The following ZNF385D variants were observed in gnomAD, a reference collection of about 807,000 sequenced individuals.
ZNF385D encodes the protein zinc finger protein 659.
In ZNF385D, 15 loss-of-function variants were observed where a neutral mutation model predicts 35.8. That is an observed-to-expected ratio of 0.42 (90% CI 0.28 to 0.64). The LOEUF is 0.64. Among genes scored for constraint, ZNF385D ranks in the 30% least tolerant of loss-of-function variants. The pLI is 0.23. For missense variants in ZNF385D, 474 were observed against 494.6 expected, an observed-to-expected ratio of 0.96 and a Z score of 0.39; for synonymous variants, 212 against 186.8, an observed-to-expected ratio of 1.13 and a Z score of -1.10.
chr3:21,721,079 T>C (rs2068521084), intron 1 of ZNF385D, among the ~76,000 whole-genome samples: 1 of 152,220 alleles, frequency 6.6e-6, no homozygotes, highest in Non-Finnish European at 1.5e-5. Flanking sequence ...TTTTTTCTTT[T>C]TTCTAGTGGA....
In ZNF385D at chr3:21,453,946, G is replaced by A. The variant is rs532431834; in HGVS notation, c.440-16743C>T. On this transcript the variant is annotated intron_variant, in intron 4 of 7. Coordinates refer to ENST00000281523, the MANE Select transcript of ZNF385D (RefSeq NM_024697.3). Reference sequence around the variant, plus strand: ...CAGTATTCATAATTGTCAAAAGGTAGTAACAACCCAAATGGAAGAGTGGAT... The same window carrying A: ...CAGTATTCATAATTGTCAAAAGGTAATAACAACCCAAATGGAAGAGTGGAT... 2.2e-3 allele frequency among the ~76,000 whole-genome samples: 337 copies of A among 152,116 alleles called. 3 individuals are homozygous for A. Among genetic ancestry groups the A allele is most frequent in the Non-Finnish European group, 2.3e-3 (156 of 67,942 alleles).
At chr3:22,372,537 G>A in exon 2 of ZNF385D, 2 of 985,864 alleles carry the variant, frequency 2.0e-6, no homozygotes, top group Non-Finnish European at 2.4e-6. Flanking sequence ...GCGGCCGCCC[G>A]GCGCCCTGGC....
chr3:21,633,342 G>A lies in ZNF385D; in HGVS notation c.165+31544C>T, dbSNP rs564698111. 6.6e-5 allele frequency among the ~76,000 whole-genome samples: 10 copies of A among 152,044 alleles called. 1 individual carries two copies. The South Asian group carries it at 1.9e-3, about 28-fold the overall frequency. On this transcript the variant is annotated intron_variant, in intron 2 of 7. Coordinates refer to ENST00000281523, the MANE Select transcript of ZNF385D (RefSeq NM_024697.3). The stretch of plus-strand genomic sequence containing the variant: ...CAAAATGATGAAACTTTAAATTGGA[G>A]TATGTAAAAAATATGGAAAAACAAA...
At chr3:22,150,381 T>C (rs17648429) in intron 3 of ZNF385D, among the ~76,000 whole-genome samples, 7,123 of 152,128 alleles carry the variant, frequency 0.047, 215 homozygotes, top group Middle Eastern at 0.13. Context: ...GAGAAAGAGC[T>C]GTATTCATAC....
At position 21,471,291 on chromosome 3, in the gene ZNF385D, TCTCTCACA is replaced by T. The variant is rs1421432952; in HGVS notation, c.440-34096_440-34089del. Among the ~76,000 whole-genome samples, 209 of 22,370 alleles carry T rather than the reference TCTCTCACA, an allele frequency of 9.3e-3. 1 individual carries two copies. Among genetic ancestry groups the T allele is most frequent in the African/African-American group, 0.024 (197 of 8,148 alleles). 14.7% of individuals were successfully genotyped at this position (22,370 alleles called of 152,430 possible). A position where few individuals can be genotyped will look rare whatever the true frequency, so the allele number is the denominator to read the frequency against. ...CTCTCTCTTTCTCTCTCTCTCTCTC[TCTCTCACA>T]CACACACACACACACACACACACAC... is the stretch of plus-strand genomic sequence containing the variant. On this transcript the variant is annotated intron_variant, in intron 4 of 7. Transcript: ENST00000281523.
Position 21,425,499 on chromosome 3 carries a change from A to AGTTGC in ZNF385D, c.840_844dup (p.Leu282ArgfsTer40). 1 of 1,597,798 alleles carries AGTTGC rather than the reference A, an allele frequency of 6.3e-7. No individual in the cohort carries two copies. Among genetic ancestry groups the AGTTGC allele is most frequent in the Non-Finnish European group, 8.5e-7 (1 of 1,170,934 alleles). ...AGAATACGTGCTGTTTACCTGTTTA[A>AGTTGC]GTTGCGTTTCCGAGTTGACGTGCAC... is the stretch of plus-strand genomic sequence containing the variant. On this transcript the variant is annotated frameshift_variant, in exon 6 of 8. Transcript: ENST00000281523. LOFTEE classifies it high-confidence loss of function.
chr3:21,817,683 T>A (rs1294127514), intron 3 of ZNF385D, among the ~76,000 whole-genome samples: 1 of 152,172 alleles, frequency 6.6e-6, no homozygotes, highest in Non-Finnish European at 1.5e-5. Context: ...CAACAGGTGC[T>A]GGAGAGGATG....
intron 2 of ZNF385D, among the ~76,000 whole-genome samples, chr3:22,318,801 A>G (rs1704041232): frequency 6.6e-6 from 1 of 152,210 alleles, no homozygotes; most frequent in African/African-American, 2.4e-5. Flanking sequence ...ACAAAAATGT[A>G]CTGTGAAAAA....
chr3:21,966,873 C>A (rs1029461530), intron 3 of ZNF385D, among the ~76,000 whole-genome samples: 1 of 152,138 alleles, frequency 6.6e-6, no homozygotes, highest in Non-Finnish European at 1.5e-5. Flanking sequence ...TATAGCGCTG[C>A]GATTATGGGC....
intron 4 of ZNF385D, among the ~76,000 whole-genome samples, chr3:21,491,354 G>C (rs1705410925): frequency 6.6e-6 from 1 of 151,998 alleles, no homozygotes; most frequent in Non-Finnish European, 1.5e-5. Flanking sequence ...TCAACAGCTT[G>C]ACATAAGTCA....
intron 3 of ZNF385D, among the ~76,000 whole-genome samples, chr3:22,024,177 T>G (rs764542029): frequency 1.3e-5 from 2 of 152,136 alleles, no homozygotes; most frequent in Non-Finnish European, 2.9e-5. Context: ...TCTGGATGCT[T>G]CCTGCCCTAG....
chr3:22,305,721 A>T (rs1185081429), intron 2 of ZNF385D, among the ~76,000 whole-genome samples: 2 of 152,162 alleles, frequency 1.3e-5, no homozygotes, highest in African/African-American at 4.8e-5. Flanking sequence ...CAAGGAGCCT[A>T]GGAAGTATAT....
intron 2 of ZNF385D, among the ~76,000 whole-genome samples, chr3:22,261,248 G>T (rs571916812): frequency 6.6e-6 from 1 of 151,874 alleles, no homozygotes; most frequent in Non-Finnish European, 1.5e-5. Flanking sequence ...CAAGTAGTAG[G>T]AGGAGACAGA....
intron 2 of ZNF385D, among the ~76,000 whole-genome samples, chr3:21,641,974 A>T (rs2065620345): frequency 6.6e-6 from 1 of 152,156 alleles, no homozygotes; most frequent in Non-Finnish European, 1.5e-5. Flanking sequence ...CATGTCCAAC[A>T]TTGAGGCTCC....
In ZNF385D at chr3:21,415,572, G is replaced by A. The variant is rs1178135292; in HGVS notation, c.*5642C>T. ...TTTGTAAAAGAATGACAGGTACTAAGACTCATATTTTTACAATTCTGTATG... is the reference window on the plus strand; with the variant it reads ...TTTGTAAAAGAATGACAGGTACTAAAACTCATATTTTTACAATTCTGTATG... On this transcript the variant is annotated 3_prime_UTR_variant, in exon 8 of 8. Coordinates refer to ENST00000281523, the MANE Select transcript of ZNF385D (RefSeq NM_024697.3). 2 of 152,126 alleles carry A rather than the reference G, an allele frequency of 1.3e-5. No individual in the cohort carries two copies. The highest frequency in any genetic ancestry group is 2.1e-4 in the South Asian group (1 of 4,824). The allele number at this position is 152,126 out of a possible 1,614,324, so 9.4% of individuals were successfully genotyped here.
At chr3:22,270,795 G>A (rs1214394340) in intron 2 of ZNF385D, among the ~76,000 whole-genome samples, 1 of 151,886 alleles carries the variant, frequency 6.6e-6, no homozygotes, top group African/African-American at 2.4e-5. Context: ...TTAAACATAT[G>A]TAGCTTTAAT....
chr3:21,594,035 C>T (rs1276987456), intron 2 of ZNF385D, among the ~76,000 whole-genome samples: 2 of 152,266 alleles, frequency 1.3e-5, no homozygotes, highest in African/African-American at 4.8e-5. Flanking sequence ...AGTAGACGCA[C>T]AGCTTTTCAC....
At chr3:22,350,217 T>C (rs1345816533) in intron 2 of ZNF385D, among the ~76,000 whole-genome samples, 1 of 152,166 alleles carries the variant, frequency 6.6e-6, no homozygotes, top group Non-Finnish European at 1.5e-5. Flanking sequence ...CATGTTAATA[T>C]TAGTTGCTTA....
chr3:21,664,475 A>C (rs2066340632), intron 2 of ZNF385D, among the ~76,000 whole-genome samples: 1 of 152,192 alleles, frequency 6.6e-6, no homozygotes, highest in African/African-American at 2.4e-5. Flanking sequence ...CCTATTTATT[A>C]AGTTAGAAAA....
Sources: allele counts gnomAD v4.1 joint callset (sites outside exome capture counted in the v4.1 genomes callset), GRCh38; gene constraint gnomAD v4.1.1; transcripts MANE v1.5; gene names NCBI Gene and HGNC (gene_info 2026-07-23, HGNC 2026-07-21).